The following DLGAP2 variants were observed in gnomAD, a reference collection of about 807,000 sequenced individuals.
The protein encoded by DLGAP2 is DLG associated protein 2.
In DLGAP2, 26 loss-of-function variants were observed where a neutral mutation model predicts 100.3. That is an observed-to-expected ratio of 0.26 (90% CI 0.19 to 0.36). The LOEUF is 0.36. Ranked by LOEUF, DLGAP2 falls within the 10% of genes least tolerant of loss-of-function variation. DLGAP2 has a pLI of 1.00. For missense variants in DLGAP2, 1,858 were observed against 1,453.2 expected, an observed-to-expected ratio of 1.28 and a Z score of -4.53; for synonymous variants, 886 against 630.1, an observed-to-expected ratio of 1.41 and a Z score of -6.08.
intron 2 of DLGAP2, among the ~76,000 whole-genome samples, chr8:1,225,759 A>G (rs1278493255): frequency 6.6e-6 from 1 of 152,196 alleles, no homozygotes; most frequent in Non-Finnish European, 1.5e-5. Flanking sequence ...AGACTGAAGG[A>G]CTAAGTTCAA....
chr8:1,468,273 C>T (rs145358547), intron 3 of DLGAP2, among the ~76,000 whole-genome samples: 5 of 150,914 alleles, frequency 3.3e-5, no homozygotes, highest in African/African-American at 1.2e-4. Context: ...AGCGTAGATC[C>T]GGGCTGGTCC....
intron 13 of DLGAP2, among the ~76,000 whole-genome samples, chr8:1,695,272 G>T (rs961010385): frequency 6.7e-6 from 1 of 149,834 alleles, no homozygotes; most frequent in Non-Finnish European, 1.5e-5. Flanking sequence ...AGCCATGCCC[G>T]GCCCTACAGA....
chr8:785,171 C>A (rs1321759130), intron 1 of DLGAP2, among the ~76,000 whole-genome samples: 2 of 130,364 alleles, frequency 1.5e-5, no homozygotes, highest in African/African-American at 6.1e-5. Flanking sequence ...GAGCAGAGAT[C>A]GTGCCACTGC....
intron 1 of DLGAP2, among the ~76,000 whole-genome samples, chr8:744,822 T>C (rs1940783716): frequency 6.6e-6 from 1 of 152,234 alleles, no homozygotes; most frequent in South Asian, 2.1e-4. Context: ...ATGTCTGTTC[T>C]CTCAAACCTA....
intron 8 of DLGAP2, among the ~76,000 whole-genome samples, chr8:1,643,301 G>C (rs1404366500): frequency 7.7e-5 from 1 of 12,944 alleles, no homozygotes; most frequent in East Asian, 1.6e-3. Flanking sequence ...TGTCACCCTC[G>C]ACCCCGCCGG....
chr8:1,554,025 C>CA (rs1390818493), intron 5 of DLGAP2, among the ~76,000 whole-genome samples: 4 of 152,310 alleles, frequency 2.6e-5, no homozygotes, highest in South Asian at 4.1e-4. Flanking sequence ...CGGTGGCTCA[C>CA]ACCTGTCATC....
At chr8:1,547,767 A>G (rs1295671710) in intron 4 of DLGAP2, among the ~76,000 whole-genome samples, 1 of 152,184 alleles carries the variant, frequency 6.6e-6, no homozygotes. Context: ...GCAGAAGGAC[A>G]CAGGGAGGAG....
chr8:981,279 C>T (rs911441591), intron 2 of DLGAP2, among the ~76,000 whole-genome samples: 6 of 152,148 alleles, frequency 3.9e-5, no homozygotes, highest in African/African-American at 1.4e-4. Context: ...TGAGTTGCCC[C>T]TCCTTGTAGG....
intron 4 of DLGAP2, among the ~76,000 whole-genome samples, chr8:1,528,139 C>T (rs903777330): frequency 5.3e-5 from 8 of 152,220 alleles, no homozygotes; most frequent in African/African-American, 1.4e-4. Context: ...CCCCGTCGGA[C>T]GCAGCGATAC....
intron 2 of DLGAP2, among the ~76,000 whole-genome samples, chr8:1,213,864 C>T (rs1798157941): frequency 6.6e-6 from 1 of 152,200 alleles, no homozygotes; most frequent in Non-Finnish European, 1.5e-5. Context: ...AGAAGATGAG[C>T]ACATGGCAGA....
intron 1 of DLGAP2, among the ~76,000 whole-genome samples, chr8:870,229 C>T (rs529798298): frequency 6.6e-6 from 1 of 152,316 alleles, no homozygotes; most frequent in South Asian, 2.1e-4. Flanking sequence ...TTTCTCCTGA[C>T]AGGATCCCTG....
chr8:1,621,056 A>G (rs1797318232), intron 6 of DLGAP2: 2 of 152,226 alleles, frequency 1.3e-5, no homozygotes, highest in African/African-American at 4.8e-5. Flanking sequence ...CTTTGTCCCC[A>G]ACACACTGTC....
chr8:1,144,319 A>G (rs543940760), intron 2 of DLGAP2, among the ~76,000 whole-genome samples: 1 of 152,362 alleles, frequency 6.6e-6, no homozygotes, highest in East Asian at 1.9e-4. Flanking sequence ...ATCAGGAGGT[A>G]AAATTACTGT....
intron 3 of DLGAP2, among the ~76,000 whole-genome samples, chr8:1,324,537 A>C (rs1032245729): frequency 6.6e-6 from 1 of 152,198 alleles, no homozygotes; most frequent in Non-Finnish European, 1.5e-5. Context: ...CACATTGCTC[A>C]GGATGTAAAA....
chr8:1,005,400 C>T (rs1020419339), intron 2 of DLGAP2, among the ~76,000 whole-genome samples: 10 of 137,318 alleles, frequency 7.3e-5, no homozygotes, highest in South Asian at 2.3e-4. Flanking sequence ...AAAACAACTC[C>T]ACTTGTTTTT....
intron 1 of DLGAP2, among the ~76,000 whole-genome samples, chr8:861,596 C>T (rs1797393147): frequency 6.6e-6 from 1 of 152,204 alleles, no homozygotes; most frequent in South Asian, 2.1e-4. Context: ...TTTAACAGCG[C>T]TTTTGAAAAG....
intron 2 of DLGAP2, among the ~76,000 whole-genome samples, chr8:1,213,076 C>G (rs1798139903): frequency 6.6e-6 from 1 of 152,108 alleles, no homozygotes; most frequent in South Asian, 2.1e-4. Context: ...TATCCAGCAT[C>G]TTAGCAAACT....
At chr8:1,227,055 T>A (rs1447841418) in intron 2 of DLGAP2, among the ~76,000 whole-genome samples, 7 of 148,226 alleles carry the variant, frequency 4.7e-5, no homozygotes, top group Non-Finnish European at 7.4e-5. Context: ...ATATCTGCAC[T>A]CCCTGTTCAC....
intron 2 of DLGAP2, among the ~76,000 whole-genome samples, chr8:1,191,780 C>T (rs1429640886): frequency 1.3e-5 from 2 of 152,104 alleles, no homozygotes. Flanking sequence ...GGTCCTTTAC[C>T]TTGAAATTCA....
Sources: gnomAD v4.1 joint callset for allele counts (sites outside exome capture counted in the v4.1 genomes callset) on GRCh38, gnomAD v4.1.1 for gene constraint, MANE v1.5 for transcripts, NCBI Gene and HGNC (gene_info 2026-07-23, HGNC 2026-07-21) for gene names.